The following CNBD2 variants were observed in gnomAD, a reference collection of about 807,000 sequenced individuals.
The protein encoded by CNBD2 is cyclic nucleotide binding domain containing 2.
In CNBD2, 64 loss-of-function variants were observed where a neutral mutation model predicts 63.7. That is an observed-to-expected ratio of 1.00 (90% CI 0.82 to 1.24). The LOEUF (loss-of-function observed/expected upper bound fraction) is 1.24. Among genes scored for constraint, CNBD2 ranks in the 50% most tolerant of loss-of-function variants. The probability of loss-of-function intolerance (pLI) is 0.00; values close to 1 mark genes in which losing one functional copy is unlikely to be tolerated. For missense variants in CNBD2, 691 were observed against 713.5 expected (o/e 0.97, Z 0.36); for synonymous variants, 229 against 255.4 (o/e 0.90, Z 0.99).
upstream of CNBD2, chr20:35,954,591 G>T: frequency 1.5e-5 from 21 of 1,415,690 alleles, no homozygotes; most frequent in Non-Finnish European, 2.0e-5. Context: ...TGAGGCGGCT[G>T]CTGCCCTCGC....
intron 10 of CNBD2, among the ~76,000 whole-genome samples, chr20:36,014,391 G>A (rs543810446): frequency 5.2e-5 from 7 of 135,748 alleles, no homozygotes; most frequent in Non-Finnish European, 7.9e-5. Context: ...GTGCAGTGGC[G>A]CCATCTCGGC....
At chr20:35,995,649 T>C (rs1307730466) in intron 8 of CNBD2, among the ~76,000 whole-genome samples, 3 of 152,002 alleles carry the variant, frequency 2.0e-5, no homozygotes, top group African/African-American at 4.8e-5. Flanking sequence ...ATATACCACA[T>C]TTTTTTTGTC....
At chr20:35,969,609 T>C (rs1456942939) in intron 1 of CNBD2, among the ~76,000 whole-genome samples, 1 of 152,184 alleles carries the variant, frequency 6.6e-6, no homozygotes, top group African/African-American at 2.4e-5. Flanking sequence ...AGTTCTTTTT[T>C]CCCACTCAAA....
intron 3 of CNBD2, among the ~76,000 whole-genome samples, chr20:35,977,382 C>G (rs557629883): frequency 1.3e-5 from 2 of 152,146 alleles, no homozygotes; most frequent in Non-Finnish European, 2.9e-5. Flanking sequence ...TAAAAACCAG[C>G]CCTTTGGCCA....
At chr20:36,006,014 C>T (rs2056979385) in intron 8 of CNBD2, among the ~76,000 whole-genome samples, 1 of 151,612 alleles carries the variant, frequency 6.6e-6, no homozygotes, top group South Asian at 2.1e-4. Context: ...AGTTGATTCT[C>T]ATACTAGAGA....
chr20:35,960,505 A>G (rs545658752), intron 2 of CNBD2, among the ~76,000 whole-genome samples: 1 of 152,200 alleles, frequency 6.6e-6, no homozygotes, highest in East Asian at 1.9e-4. Context: ...ATGCCCCACT[A>G]ATTGTTTTTT....
At chr20:35,985,780 G>A (rs772906820) in intron 6 of CNBD2, among the ~76,000 whole-genome samples, 2 of 152,206 alleles carry the variant, frequency 1.3e-5, no homozygotes, top group Non-Finnish European at 2.9e-5. Flanking sequence ...AAGCCACTGC[G>A]CCTGGCCCAA....
chr20:36,011,802 C>T (rs914784488), intron 10 of CNBD2, among the ~76,000 whole-genome samples: 4 of 152,140 alleles, frequency 2.6e-5, no homozygotes, highest in Admixed American at 2.0e-4. Flanking sequence ...AGCAAGGTCA[C>T]AGGATACAAA....
At chr20:36,026,500 G>A (rs749740795) in intron 11 of CNBD2, among the ~76,000 whole-genome samples, 1 of 152,032 alleles carries the variant, frequency 6.6e-6, no homozygotes, top group Non-Finnish European at 1.5e-5. Flanking sequence ...GTATCTCACT[G>A]CCTATAGGAT....
At chr20:36,025,645 AT>A (rs11167285) in intron 11 of CNBD2, among the ~76,000 whole-genome samples, 7 of 150,458 alleles carry the variant, frequency 4.7e-5, no homozygotes, top group South Asian at 2.1e-4. Flanking sequence ...AGATTAGATA[AT>A]TTTTTTTTTA....
intron 5 of CNBD2, 91 bp from the exon 6 acceptor site, chr20:35,984,536 G>A: frequency 7.3e-7 from 1 of 1,373,894 alleles, no homozygotes; most frequent in Non-Finnish European, 1.0e-6. Flanking sequence ...GAGAATTCAG[G>A]GGGAAGATGG....
Position 36,023,705 on chromosome 20 carries a change from A to G in CNBD2, c.1373A>G (p.Tyr458Cys). 6.2e-7 allele frequency: 1 copy of G among 1,613,970 alleles called. No homozygotes were observed. Among genetic ancestry groups the G allele is most frequent in the South Asian group, 1.1e-5 (1 of 91,048 alleles). Residue 458 changes from tyrosine to cysteine, a missense_variant, in exon 11 of 12, where the codon TAT becomes TGT. Transcript: ENST00000373973. Reference protein sequence around the residue: ...ELIRIRKEIFYELIDNDDEMI... With the variant: ...ELIRIRKEIFCELIDNDDEMI... ...ATACGGATAAGGAAGGAAATATTTT[A>G]TGAACTGATTGACAATGATGACGAG...
intron 7 of CNBD2, among the ~76,000 whole-genome samples, chr20:35,991,467 G>A (rs1038840042): frequency 6.6e-6 from 1 of 152,114 alleles, no homozygotes; most frequent in African/African-American, 2.4e-5. Flanking sequence ...TTTATTGCCA[G>A]ATATCAATTG....
intron 11 of CNBD2, 33 bp downstream of exon 11, chr20:36,023,804 G>C: frequency 1.3e-6 from 2 of 1,518,438 alleles, no homozygotes; most frequent in South Asian, 1.3e-5. Flanking sequence ...AGTCCCATCA[G>C]GTGAAATGAA....
In CNBD2 at chr20:35,972,764, G is replaced by T. The variant is rs1424867953; in HGVS notation, c.187G>T (p.Asp63Tyr). 3.7e-6 allele frequency: 6 copies of T among 1,614,126 alleles called. No individual in the cohort carries two copies. Among genetic ancestry groups the T allele is most frequent in the South Asian group, 3.3e-5 (3 of 91,072 alleles). ...GAAGCACCCTATCTTCTCCTTCTGG[G>T]ATGTAAGCAGTTGGGCTCAGCAGGA... The part of the protein sequence containing the change: ...HWKHPIFSFW[D>Y]KKMQSRVTFD... The change falls in exon 2 of 12, where the codon GAT (aspartate) becomes TAT (tyrosine). Residue 63 changes from aspartate (D) to tyrosine (Y), a missense_variant and splice_region_variant. Physicochemically the swap from Asp to Tyr is radical, Grantham distance 160 (BLOSUM62 -3). Coordinates refer to ENST00000373973, the MANE Select transcript of CNBD2 (RefSeq NM_001365709.1).
intron 8 of CNBD2, 66 bp from the exon 9 acceptor site, chr20:36,008,231 A>T: frequency 1.5e-6 from 2 of 1,339,850 alleles, no homozygotes; most frequent in Admixed American, 2.2e-5. Context: ...AGCTTCAACT[A>T]CTACCACCAT....
intron 4 of CNBD2, among the ~76,000 whole-genome samples, chr20:35,982,259 C>T (rs1045307968): frequency 6.6e-6 from 1 of 152,280 alleles, no homozygotes; most frequent in East Asian, 1.9e-4. Context: ...AATGGCTGCT[C>T]ATCAGTCCTG....
intron 8 of CNBD2, among the ~76,000 whole-genome samples, chr20:36,006,709 C>A (rs531888532): frequency 6.6e-6 from 1 of 152,196 alleles, no homozygotes; most frequent in South Asian, 2.1e-4. Flanking sequence ...TGAGCCACTG[C>A]GCCTGGCCAT....
chr20:36,027,563 G>A (rs1040210623), intron 11 of CNBD2, among the ~76,000 whole-genome samples: 8 of 152,174 alleles, frequency 5.3e-5, no homozygotes, highest in African/African-American at 1.9e-4. Context: ...ATTAGAAAAA[G>A]CAGCATGACT....
Sources: allele counts gnomAD v4.1 joint callset (sites outside exome capture counted in the v4.1 genomes callset), GRCh38; gene constraint gnomAD v4.1.1; transcripts MANE v1.5; gene names NCBI Gene and HGNC (gene_info 2026-07-23, HGNC 2026-07-21).